The following NHSL1 variants were observed in gnomAD, a reference collection of about 807,000 sequenced individuals.
The protein encoded by NHSL1 is NHS like 1.
NHSL1 carries 48 observed loss-of-function variants against 95.0 expected under a neutral mutation model. That is an observed-to-expected ratio of 0.51 (90% confidence interval 0.40 to 0.64). The LOEUF is 0.64. Among genes scored for constraint, NHSL1 ranks in the 30% least tolerant of loss-of-function variants. The pLI, the probability that NHSL1 is intolerant of heterozygous loss-of-function variation, is 0.00. For synonymous variants in NHSL1, 783 were observed against 833.9 expected (o/e 0.94, Z 1.05); for missense variants, 1,971 against 2,077.7 (o/e 0.95, Z 1.00).
At chr6:138,451,141 C>A (rs1277709574) in intron 3 of NHSL1, among the ~76,000 whole-genome samples, 2 of 152,172 alleles carry the variant, frequency 1.3e-5, no homozygotes, top group Non-Finnish European at 2.9e-5. Flanking sequence ...CAGCTGGCCA[C>A]TGTTATCTCC....
chr6:138,449,885 C>G (rs1777120573), intron 3 of NHSL1, among the ~76,000 whole-genome samples: 1 of 152,114 alleles, frequency 6.6e-6, no homozygotes, highest in Non-Finnish European at 1.5e-5. Context: ...ATAAAATGAT[C>G]ATCCAGTTTC....
intron 2 of NHSL1, among the ~76,000 whole-genome samples, chr6:138,478,360 A>G (rs1465651561): frequency 6.6e-6 from 1 of 152,186 alleles, no homozygotes; most frequent in African/African-American, 2.4e-5. Context: ...AGACTAGACA[A>G]TATAAATTCA....
chr6:138,650,386 TG>T lies in NHSL1; in HGVS notation c.96+42089del. The stretch of plus-strand genomic sequence containing the variant: ...TGCAGCCCACAGTTGTTCACAGCCA[TG>T]AGGTCGCCGACTAGCAGGAAGGGGT... On this transcript the variant is annotated intron_variant, in intron 1 of 3. Transcript: ENST00000491526. 2.8e-6 allele frequency: 4 copies of T among 1,406,644 alleles called. No homozygotes were observed. In the South Asian group the frequency reaches 4.6e-5, roughly 16 times the overall value. 87.1% of individuals were successfully genotyped at this position (1,406,644 alleles called of 1,614,324 possible). A position where few individuals can be genotyped will look rare whatever the true frequency, so the allele number is the denominator to read the frequency against.
chr6:138,467,002 G>A lies in NHSL1; in HGVS notation c.339+6304C>T, dbSNP rs146807072. 1.4e-4 allele frequency among the ~76,000 whole-genome samples: 22 copies of A among 152,034 alleles called. No individual in the cohort carries two copies. In the East Asian group the frequency reaches 2.5e-3, roughly 17 times the overall value. On this transcript the variant is annotated intron_variant, in intron 3 of 7. Coordinates refer to ENST00000343505, the MANE Select transcript of NHSL1 (RefSeq NM_001144060.2). The stretch of plus-strand genomic sequence containing the variant: ...ATCGTGCCACTGCACTCCAGCCTGC[G>A]TGACAAGAGTGAAACTCCATCTCAA...
intron 1 of NHSL1, among the ~76,000 whole-genome samples, chr6:138,601,073 A>G (rs886122624): frequency 3.3e-5 from 5 of 152,222 alleles, no homozygotes; most frequent in African/African-American, 1.2e-4. Flanking sequence ...AAGGTACTAA[A>G]TGTATAAAAT....
chr6:138,687,368 A>G (rs1785597873), intron 1 of NHSL1, among the ~76,000 whole-genome samples: 1 of 152,102 alleles, frequency 6.6e-6, no homozygotes, highest in African/African-American at 2.4e-5. Flanking sequence ...AGGAAGAAGC[A>G]AAGATATTCT....
intron 1 of NHSL1, among the ~76,000 whole-genome samples, chr6:138,499,015 C>T (rs182887641): frequency 1.2e-3 from 179 of 152,178 alleles, no homozygotes; most frequent in Non-Finnish European, 2.0e-3. Flanking sequence ...CCTAGAGTTA[C>T]AAAAGTCTGA....
chr6:138,665,475 C>T (rs1785282483), intron 1 of NHSL1, among the ~76,000 whole-genome samples: 1 of 152,208 alleles, frequency 6.6e-6, no homozygotes, highest in South Asian at 2.1e-4. Context: ...CTCTCCAAGG[C>T]CTGCTCAGCA....
chr6:138,474,751 T>A (rs755315704), intron 2 of NHSL1, among the ~76,000 whole-genome samples: 1 of 152,248 alleles, frequency 6.6e-6, no homozygotes, highest in Non-Finnish European at 1.5e-5. Context: ...GAACACAACA[T>A]ATTTTTAATG....
At chr6:138,647,993 G>A (rs1785041184) in intron 1 of NHSL1, among the ~76,000 whole-genome samples, 1 of 152,104 alleles carries the variant, frequency 6.6e-6, no homozygotes, top group Non-Finnish European at 1.5e-5. Flanking sequence ...GTTATGGTAT[G>A]GAAGCTTGCA....
At chr6:138,438,894 C>A (rs1776355962) in intron 5 of NHSL1, among the ~76,000 whole-genome samples, 1 of 151,722 alleles carries the variant, frequency 6.6e-6, no homozygotes, top group Non-Finnish European at 1.5e-5. Flanking sequence ...ATATATATAT[C>A]AACAAAATAA....
At chr6:138,611,057 CAG>C (rs993906447) in intron 1 of NHSL1, among the ~76,000 whole-genome samples, 1 of 149,370 alleles carries the variant, frequency 6.7e-6, no homozygotes, top group African/African-American at 2.5e-5. Context: ...CAGTGAGTGA[CAG>C]AGAGAGACTG....
chr6:138,685,117 A>G (rs1035075483), intron 1 of NHSL1, among the ~76,000 whole-genome samples: 3 of 152,078 alleles, frequency 2.0e-5, no homozygotes, highest in Non-Finnish European at 2.9e-5. Context: ...CTTTTGTTAA[A>G]TTTTTTCATT....
chr6:138,549,248 T>G (rs1162394135), upstream of NHSL1, among the ~76,000 whole-genome samples: 1 of 152,210 alleles, frequency 6.6e-6, no homozygotes, highest in African/African-American at 2.4e-5. Flanking sequence ...CCAGGCGTAG[T>G]GGCGCATGCC....
intron 7 of NHSL1, among the ~76,000 whole-genome samples, chr6:138,425,858 A>G (rs542531399): frequency 8.5e-6 from 1 of 117,574 alleles, no homozygotes; most frequent in African/African-American, 3.3e-5. Flanking sequence ...ACAAAGGCGA[A>G]CCCTCCATGC....
upstream of NHSL1, among the ~76,000 whole-genome samples, chr6:138,504,441 T>C (rs1038940348): frequency 3.3e-5 from 5 of 152,176 alleles, no homozygotes; most frequent in Admixed American, 3.3e-4. Context: ...CTAGGTAAAA[T>C]GATAACACAC....
At chr6:138,684,070 G>A (rs906935359) in intron 1 of NHSL1, among the ~76,000 whole-genome samples, 1 of 151,494 alleles carries the variant, frequency 6.6e-6, no homozygotes, top group African/African-American at 2.4e-5. Flanking sequence ...AAATCAGCTG[G>A]GCATGGTGGT....
chr6:138,501,085 T>A (rs1780649639), upstream of NHSL1, among the ~76,000 whole-genome samples: 1 of 152,230 alleles, frequency 6.6e-6, no homozygotes, highest in Admixed American at 6.5e-5. Flanking sequence ...AACACTCATA[T>A]GCACAATCCA....
chr6:138,426,593 T>A (rs1775278138), intron 7 of NHSL1, among the ~76,000 whole-genome samples: 1 of 152,184 alleles, frequency 6.6e-6, no homozygotes, highest in Non-Finnish European at 1.5e-5. Flanking sequence ...GAATGTCACA[T>A]AGAAAATGGA....
Sources: gnomAD v4.1 joint callset for allele counts (sites outside exome capture counted in the v4.1 genomes callset) on GRCh38, gnomAD v4.1.1 for gene constraint, MANE v1.5 for transcripts, NCBI Gene and HGNC (gene_info 2026-07-23, HGNC 2026-07-21) for gene names.